TERB1: variants seen among roughly 807,000 people sequenced by gnomAD.
TERB1 encodes telomere repeat binding bouquet formation protein 1.
A neutral mutation model predicts 92.3 loss-of-function variants in TERB1; 63 were observed. The observed-to-expected ratio is 0.68, with a 90% CI of 0.56 to 0.84. The LOEUF (loss-of-function observed/expected upper bound fraction) is 0.84. TERB1 is among the 40% of genes least tolerant of loss of function. The pLI, the probability that TERB1 is intolerant of heterozygous loss-of-function variation, is 0.00. For missense variants in TERB1, 709 were observed against 843.7 expected (o/e 0.84, Z 1.98); for synonymous variants, 252 against 283.9 (o/e 0.89, Z 1.13).
chr16:66,779,068 G>T, intron 9 of TERB1, 53 bp from the exon 10 acceptor site: 2 of 1,285,048 alleles, frequency 1.6e-6, no homozygotes, highest in Non-Finnish European at 2.1e-6. Context: ...ACAGCTGAAT[G>T]GTTTTATTCA....
At position 66,778,895 on chromosome 16, in the gene TERB1, G is replaced by A. The variant is rs564734015; in HGVS notation, c.821C>T (p.Thr274Met). The change falls in exon 10 of 19, where the codon ACG (threonine) becomes ATG (methionine). Residue 274 changes from threonine to methionine, a missense_variant. By Grantham distance (81) the Thr-to-Met change is moderately conservative. Transcript: ENST00000433154. ...AGCAATGCATGCATCCACAGTCTTC[G>A]TCACAACCACTGCAAGTTTAGCACT... is the stretch of plus-strand genomic sequence containing the variant. Reference protein sequence around the residue: ...LSSAKLAVVVTKTVDACIADN... With the variant: ...LSSAKLAVVVMKTVDACIADN... 26 of 1,522,978 alleles carry A rather than the reference G, an allele frequency of 1.7e-5. No homozygotes were observed. In the South Asian group the frequency reaches 2.0e-4, roughly 12 times the overall value. The allele number at this position is 1,522,978 out of a possible 1,614,324, so 94.3% of individuals were successfully genotyped here. A position where few individuals can be genotyped will look rare whatever the true frequency, so the allele number is the denominator to read the frequency against.
chr16:66,772,729 G>T lies in TERB1; in HGVS notation c.1132C>A (p.Leu378Ile), dbSNP rs2018473867. 1 of 1,542,300 alleles carries T rather than the reference G, an allele frequency of 6.5e-7. No homozygotes were observed. The highest frequency in any genetic ancestry group is 8.7e-7 in the Non-Finnish European group (1 of 1,143,440). Residue 378 changes from leucine to isoleucine, a missense_variant, in exon 13 of 19, where the codon CTA (leucine) becomes ATA (isoleucine). Coordinates refer to ENST00000433154, the MANE Select transcript of TERB1 (RefSeq NM_001136505.2). ...KKITEKLSLS[L>I]GEYPFDENET... ...TTTTCATCAAAAGGATATTCTCCTA[G>T]ACTTAGAGATAATTTCTCAGCTTTG...
chr16:66,754,903 A>G lies in TERB1; in HGVS notation c.*73T>C. The G allele has an allele frequency of 3.0e-6, 4 of 1,350,306 alleles. No individual in the cohort carries two copies. In the South Asian group the frequency reaches 5.5e-5, roughly 19 times the overall value. The allele number at this position is 1,350,306 out of a possible 1,614,324, so 83.6% of individuals were successfully genotyped here. A position where few individuals can be genotyped will look rare whatever the true frequency, so the allele number is the denominator to read the frequency against. On this transcript the variant is annotated 3_prime_UTR_variant, in exon 19 of 19. Coordinates refer to ENST00000433154, the MANE Select transcript of TERB1 (RefSeq NM_001136505.2). ...CATTCCTTCTCATGAGAGTTTAGAA[A>G]AATACTTTAAATGTATCTTTCAAGG...
At chr16:66,789,761 A>C (rs1460358301) in intron 5 of TERB1, among the ~76,000 whole-genome samples, 2 of 146,092 alleles carry the variant, frequency 1.4e-5, no homozygotes, top group Admixed American at 1.4e-4. Flanking sequence ...CCCAGGTTAG[A>C]GTGCAGTGGC....
intron 16 of TERB1, among the ~76,000 whole-genome samples, chr16:66,762,660 A>G (rs975215725): frequency 2.1e-4 from 32 of 149,312 alleles, no homozygotes; most frequent in Admixed American, 1.9e-3. Flanking sequence ...CTGGGATTAC[A>G]GGTGTGAACC....
chr16:66,786,450 T>G (rs2018730407), intron 6 of TERB1, among the ~76,000 whole-genome samples, 165 bp from the exon 7 acceptor site: 1 of 152,224 alleles, frequency 6.6e-6, no homozygotes, highest in Admixed American at 6.5e-5. Flanking sequence ...TCAAGATTAT[T>G]ATGAAAAATA....
chr16:66,789,649 T>C lies in TERB1; in HGVS notation c.271+946A>G, dbSNP rs886257611. Among the ~76,000 whole-genome samples, 8 of 142,696 alleles carry C rather than the reference T, an allele frequency of 5.6e-5. No individual in the cohort carries two copies. The Admixed American group carries it at 5.8e-4, about 10-fold the overall frequency. The allele number at this position is 142,696 out of a possible 152,430, so 93.6% of individuals were successfully genotyped here. ...AAAAAAAAAATTCAGGGACTATATC[T>C]TACTTATCCCTGTATCCCCAATGCC... On this transcript the variant is annotated intron_variant, in intron 5 of 18. Transcript: ENST00000433154.
chr16:66,787,077 T>C (rs1221538001), intron 6 of TERB1, among the ~76,000 whole-genome samples: 2 of 151,924 alleles, frequency 1.3e-5, no homozygotes, highest in Admixed American at 1.3e-4. Context: ...GGGTTACAGA[T>C]GTGACCTGCT....
chr16:66,772,876 G>A (rs1749836098), intron 12 of TERB1, 127 bp from the exon 13 acceptor site: 4 of 683,050 alleles, frequency 5.9e-6, no homozygotes, highest in African/African-American at 5.5e-5. Context: ...CAGCTTAATT[G>A]GTACTGAAAA....
At chr16:66,758,751 A>T in intron 18 of TERB1, 22 bp downstream of exon 18, 2 of 1,457,704 alleles carry the variant, frequency 1.4e-6, no homozygotes, top group South Asian at 2.5e-5. Flanking sequence ...AAGAAAAAAA[A>T]AATTAAATTA....
At chr16:66,778,051 G>A (rs1273900764) in intron 10 of TERB1, among the ~76,000 whole-genome samples, 1 of 152,110 alleles carries the variant, frequency 6.6e-6, no homozygotes, top group Admixed American at 6.6e-5. Flanking sequence ...CTCCCTAGTT[G>A]TTTGTGAATA....
chr16:66,783,617 T>C (rs530424671), intron 9 of TERB1, among the ~76,000 whole-genome samples: 2 of 152,358 alleles, frequency 1.3e-5, no homozygotes, highest in African/African-American at 4.8e-5. Context: ...CCTGGAATAA[T>C]GTATGTGAAG....
intron 11 of TERB1, among the ~76,000 whole-genome samples, chr16:66,775,564 G>T (rs1044648693): frequency 1.3e-5 from 2 of 152,028 alleles, no homozygotes; most frequent in African/African-American, 4.8e-5. Context: ...AACCTGGGAG[G>T]TGGAGGCTGC....
At chr16:66,791,175 T>C (rs11075644) in intron 3 of TERB1, among the ~76,000 whole-genome samples, 156 bp from the exon 4 acceptor site, 2 of 151,814 alleles carry the variant, frequency 1.3e-5, no homozygotes, top group African/African-American at 4.8e-5. Flanking sequence ...GTATTTTTTT[T>C]AAAAATGTTC....
At chr16:66,785,204 A>G (rs577221718) in intron 9 of TERB1, among the ~76,000 whole-genome samples, 84 of 150,360 alleles carry the variant, frequency 5.6e-4, no homozygotes, top group African/African-American at 2.0e-3. Flanking sequence ...CAACATGCCC[A>G]GCTAATTTCT....
intron 16 of TERB1, 107 bp downstream of exon 16, chr16:66,767,308 C>A: frequency 1.6e-6 from 1 of 633,400 alleles, no homozygotes; most frequent in East Asian, 3.3e-5. Context: ...CACTGCACTC[C>A]AGCCTGGGTG....
chr16:66,772,571 T>G lies in TERB1; in HGVS notation c.1272+18A>C. The G allele has an allele frequency of 6.5e-7, 1 of 1,533,970 alleles. No individual in the cohort carries two copies. Among genetic ancestry groups the G allele is most frequent in the Non-Finnish European group, 8.8e-7 (1 of 1,141,724 alleles). On this transcript the variant is annotated intron_variant, in intron 13 of 18. Coordinates refer to ENST00000433154, the MANE Select transcript of TERB1 (RefSeq NM_001136505.2). ...AATTTGAAAAAAGTTCTATATTCTT[T>G]AAAACAAAGAATCCAACCTCATTTC...
chr16:66,791,539 G>A (rs2018835399), intron 3 of TERB1, among the ~76,000 whole-genome samples: 1 of 152,038 alleles, frequency 6.6e-6, no homozygotes, highest in African/African-American at 2.4e-5. Context: ...AGTTCTTTGA[G>A]AAGAGCAACA....
chr16:66,755,938 T>TA (rs2018130722), intron 18 of TERB1, among the ~76,000 whole-genome samples: 1 of 152,192 alleles, frequency 6.6e-6, no homozygotes, highest in South Asian at 2.1e-4. Flanking sequence ...AATTTGCTTT[T>TA]AAAAACACAT....
Sources: gnomAD v4.1 joint callset for allele counts (sites outside exome capture counted in the v4.1 genomes callset) on GRCh38, gnomAD v4.1.1 for gene constraint, MANE v1.5 for transcripts, NCBI Gene and HGNC (gene_info 2026-07-23, HGNC 2026-07-21) for gene names.